Variants in ZSWIM6 observed in about 807,000 individuals in gnomAD.
ZSWIM6 encodes the protein zinc finger SWIM domain-containing protein 6.
In ZSWIM6, 9 loss-of-function variants were observed where a neutral mutation model predicts 113.2. That is an observed-to-expected ratio of 0.08 (90% confidence interval 0.05 to 0.14). The LOEUF (loss-of-function observed/expected upper bound fraction) is 0.14, where lower values mean the gene tolerates loss of function less well. Among genes scored for constraint, ZSWIM6 ranks in the 10% least tolerant of loss-of-function variants. The pLI is 1.00. For synonymous variants in ZSWIM6, 611 were observed against 606.5 expected (o/e 1.01, Z -0.11); for missense variants, 1,162 against 1,552.2 (o/e 0.75, Z 4.22).
At chr5:61,388,409 G>C (rs1374913951) in intron 1 of ZSWIM6, among the ~76,000 whole-genome samples, 1 of 152,164 alleles carries the variant, frequency 6.6e-6, no homozygotes, top group East Asian at 1.9e-4. Context: ...GCCTGTCAAA[G>C]CTATCCTTTG....
chr5:61,459,054 G>C (rs953553353), intron 1 of ZSWIM6, among the ~76,000 whole-genome samples: 3 of 152,078 alleles, frequency 2.0e-5, no homozygotes, highest in Non-Finnish European at 4.4e-5. Context: ...GTACATAATT[G>C]CTACTTAATT....
intron 1 of ZSWIM6, among the ~76,000 whole-genome samples, chr5:61,452,241 T>G (rs956396125): frequency 2.6e-5 from 4 of 152,188 alleles, no homozygotes; most frequent in Admixed American, 1.3e-4. Context: ...ATTCTGAGAT[T>G]CATCAAAAGG....
At chr5:61,433,579 T>C (rs1746631759) in intron 1 of ZSWIM6, among the ~76,000 whole-genome samples, 2 of 151,890 alleles carry the variant, frequency 1.3e-5, no homozygotes, top group African/African-American at 4.8e-5. Context: ...TTCAAGCAAT[T>C]CTCTTGCCTC....
At chr5:61,499,218 C>T (rs544304662) in intron 4 of ZSWIM6, among the ~76,000 whole-genome samples, 3 of 152,164 alleles carry the variant, frequency 2.0e-5, no homozygotes, top group Non-Finnish European at 4.4e-5. Context: ...AAGTATAGAG[C>T]GTAATTCTAA....
intron 1 of ZSWIM6, among the ~76,000 whole-genome samples, chr5:61,357,416 G>C (rs1255351747): frequency 6.6e-6 from 1 of 152,134 alleles, no homozygotes; most frequent in African/African-American, 2.4e-5. Context: ...GTAGGGGCAA[G>C]TAGGAGCTGG....
intron 1 of ZSWIM6, among the ~76,000 whole-genome samples, chr5:61,372,312 T>C (rs1281819339): frequency 1.3e-5 from 2 of 151,986 alleles, no homozygotes; most frequent in African/African-American, 2.4e-5. Flanking sequence ...TCCAAATTTC[T>C]TCAAAGAGTG....
intron 1 of ZSWIM6, among the ~76,000 whole-genome samples, chr5:61,382,501 T>C (rs897867028): frequency 1.3e-5 from 2 of 152,134 alleles, no homozygotes; most frequent in Non-Finnish European, 2.9e-5. Flanking sequence ...TGATGCCTTA[T>C]GTGTAGAAAG....
chr5:61,490,094 T>G (rs1748138477), intron 2 of ZSWIM6, among the ~76,000 whole-genome samples: 1 of 152,092 alleles, frequency 6.6e-6, no homozygotes, highest in Non-Finnish European at 1.5e-5. Flanking sequence ...TGAAACAATC[T>G]TTACCTCCCT....
chr5:61,381,386 C>G (rs1745471446), intron 1 of ZSWIM6, among the ~76,000 whole-genome samples: 1 of 152,200 alleles, frequency 6.6e-6, no homozygotes, highest in Non-Finnish European at 1.5e-5. Flanking sequence ...ATGAGTCATT[C>G]TGGGACTTAC....
intron 5 of ZSWIM6, among the ~76,000 whole-genome samples, chr5:61,524,581 G>T (rs1332639466): frequency 6.6e-6 from 1 of 152,162 alleles, no homozygotes; most frequent in Non-Finnish European, 1.5e-5. Flanking sequence ...TACTTCCCTT[G>T]CTTTTCAGTT....
At chr5:61,505,652 T>C (rs991798136) in intron 4 of ZSWIM6, among the ~76,000 whole-genome samples, 8 of 108,150 alleles carry the variant, frequency 7.4e-5, no homozygotes, top group Admixed American at 8.6e-5. Context: ...CCTTCCTTCC[T>C]TCCTTCCTTC....
chr5:61,375,000 A>AT (rs1369974196), intron 1 of ZSWIM6: 10 of 1,016,986 alleles, frequency 9.8e-6, no homozygotes, highest in Non-Finnish European at 1.4e-5. Flanking sequence ...TAATAGGAAC[A>AT]CTATGAAAAA....
intron 1 of ZSWIM6, among the ~76,000 whole-genome samples, chr5:61,355,431 AACACACACACACACACACACAC>A (rs34072520): frequency 0.09 from 11,510 of 127,594 alleles, 570 homozygotes; most frequent in South Asian, 0.13. Context: ...GAGACTTTAA[AACACACACACACACACACACAC>A]ACACACACAC....
chr5:61,384,085 C>CA (rs1160138937), intron 1 of ZSWIM6, among the ~76,000 whole-genome samples: 1 of 147,960 alleles, frequency 6.8e-6, no homozygotes, highest in African/African-American at 2.5e-5. Flanking sequence ...ACTAAAAATA[C>CA]AAAAAATTAG....
At chr5:61,476,168 T>C (rs983658602) in intron 2 of ZSWIM6, among the ~76,000 whole-genome samples, 1 of 152,202 alleles carries the variant, frequency 6.6e-6, no homozygotes, top group African/African-American at 2.4e-5. Context: ...TGTGAACTTA[T>C]CCTATTAGTT....
At chr5:61,447,972 A>G (rs1164436292) in intron 1 of ZSWIM6, among the ~76,000 whole-genome samples, 1 of 152,224 alleles carries the variant, frequency 6.6e-6, no homozygotes, top group African/African-American at 2.4e-5. Context: ...GCAGGTGGTC[A>G]GTTAGGCAAT....
intron 1 of ZSWIM6, among the ~76,000 whole-genome samples, chr5:61,362,371 T>C (rs542049822): frequency 6.6e-6 from 1 of 152,266 alleles, no homozygotes; most frequent in South Asian, 2.1e-4. Flanking sequence ...CTAATTTTTG[T>C]ATTTTTAGTA....
chr5:61,457,871 T>C (rs570330351), intron 1 of ZSWIM6, among the ~76,000 whole-genome samples: 3 of 152,300 alleles, frequency 2.0e-5, no homozygotes, highest in Admixed American at 6.5e-5. Flanking sequence ...ACTGTGTTTT[T>C]GTCTGCATTT....
At chr5:61,528,833 C>T (rs1749355152) in intron 7 of ZSWIM6, among the ~76,000 whole-genome samples, 2 of 152,148 alleles carry the variant, frequency 1.3e-5, no homozygotes, top group Admixed American at 1.3e-4. Context: ...GGTGATCCAC[C>T]CGCTTCAGCA....
Sources: gnomAD v4.1 joint callset for allele counts (sites outside exome capture counted in the v4.1 genomes callset) on GRCh38, gnomAD v4.1.1 for gene constraint, MANE v1.5 for transcripts, NCBI Gene and HGNC (gene_info 2026-07-23, HGNC 2026-07-21) for gene names.